Variants in ADK observed in about 807,000 individuals in gnomAD.
ADK encodes N6,N6-dimethyladenosine kinase.
Under a neutral mutation model 44.7 loss-of-function variants are expected in ADK, and 24 were observed. The observed-to-expected ratio is 0.54, with a 90% confidence interval of 0.39 to 0.76. The LOEUF (loss-of-function observed/expected upper bound fraction) is 0.76. Among genes scored for constraint, ADK ranks in the 30% least tolerant of loss-of-function variants. The pLI is 0.00. For synonymous variants in ADK, 128 were observed against 142.6 expected (o/e 0.90, Z 0.73); for missense variants, 321 against 425.1 (o/e 0.76, Z 2.15).
intron 7 of ADK, among the ~76,000 whole-genome samples, chr10:74,581,496 A>C (rs1255417967): frequency 1.3e-5 from 2 of 152,176 alleles, no homozygotes; most frequent in African/African-American, 4.8e-5. Context: ...GGAGACAGAA[A>C]AAATATTTGA....
intron 1 of ADK, among the ~76,000 whole-genome samples, chr10:74,157,216 C>G (rs1014839608): frequency 1.3e-5 from 2 of 152,072 alleles, no homozygotes; most frequent in Non-Finnish European, 2.9e-5. Context: ...GAGGGGTGGC[C>G]TATCACAGAA....
chr10:74,411,198 C>T (rs1844164389), intron 6 of ADK, among the ~76,000 whole-genome samples: 1 of 151,834 alleles, frequency 6.6e-6, no homozygotes, highest in Non-Finnish European at 1.5e-5. Context: ...TTAACTGTTT[C>T]ATTTATAAAC....
At chr10:74,705,397 G>A (rs763682079) in intron 10 of ADK, among the ~76,000 whole-genome samples, 1 of 151,926 alleles carries the variant, frequency 6.6e-6, no homozygotes, top group Non-Finnish European at 1.5e-5. Context: ...CAGTTTTATT[G>A]TGGCATAATA....
At chr10:74,283,638 T>A (rs1847035844) in intron 3 of ADK, among the ~76,000 whole-genome samples, 1 of 150,522 alleles carries the variant, frequency 6.6e-6, no homozygotes, top group South Asian at 2.1e-4. Context: ...CTTCATCTTT[T>A]TTTTTTTTTT....
chr10:74,302,137 T>TTTGTTTTTTTTTGTTTTTTTTG (rs1840077977), intron 3 of ADK, among the ~76,000 whole-genome samples: 1 of 103,822 alleles, frequency 9.6e-6, no homozygotes, highest in African/African-American at 3.7e-5. Flanking sequence ...TTTTTTTTTT[T>TTTGTTTTTTTTTGTTTTTTTTG]TTTTTTTTTG....
chr10:74,502,993 G>T (rs1847932969), intron 6 of ADK, among the ~76,000 whole-genome samples: 1 of 152,060 alleles, frequency 6.6e-6, no homozygotes. Flanking sequence ...ACACTAAATG[G>T]ATTTTCTATT....
chr10:74,236,701 C>G (rs552497278), intron 3 of ADK, among the ~76,000 whole-genome samples: 6 of 152,088 alleles, frequency 3.9e-5, no homozygotes, highest in African/African-American at 1.4e-4. Context: ...TAGACTATCA[C>G]AATAAAGTGA....
At chr10:74,382,954 TC>T (rs531412234) in intron 4 of ADK, among the ~76,000 whole-genome samples, 35 of 151,538 alleles carry the variant, frequency 2.3e-4, no homozygotes, top group Middle Eastern at 3.4e-3. Flanking sequence ...TATTGGATTT[TC>T]CCCCCCTCCT....
intron 8 of ADK, among the ~76,000 whole-genome samples, chr10:74,596,555 T>C (rs1248404979): frequency 6.6e-6 from 1 of 151,990 alleles, no homozygotes; most frequent in Non-Finnish European, 1.5e-5. Flanking sequence ...CTCTCTCTTT[T>C]TTTTTTTTGA....
chr10:74,182,956 C>G (rs1383455764), intron 1 of ADK, among the ~76,000 whole-genome samples: 1 of 152,066 alleles, frequency 6.6e-6, no homozygotes, highest in East Asian at 1.9e-4. Context: ...TGCCCTGTTG[C>G]CCTTGCTGGA....
chr10:74,412,525 C>T (rs1844220796), intron 6 of ADK, among the ~76,000 whole-genome samples: 1 of 152,174 alleles, frequency 6.6e-6, no homozygotes, highest in African/African-American at 2.4e-5. Flanking sequence ...TCAGATGAGT[C>T]ACTATGGCAG....
chr10:74,383,987 A>T (rs180720915), intron 4 of ADK, among the ~76,000 whole-genome samples: 50 of 152,290 alleles, frequency 3.3e-4, no homozygotes, highest in Non-Finnish European at 5.9e-4. Flanking sequence ...TCTCCATCAT[A>T]GTTAAGTGTC....
At chr10:74,314,851 G>T in intron 4 of ADK, 106 bp downstream of exon 4, 1 of 877,236 alleles carries the variant, frequency 1.1e-6, no homozygotes, top group Non-Finnish European at 1.8e-6. Flanking sequence ...GAATAGTTTT[G>T]TTCATTTGAA....
intron 5 of ADK, among the ~76,000 whole-genome samples, chr10:74,395,476 C>T (rs1251989289): frequency 6.6e-6 from 1 of 151,848 alleles, no homozygotes; most frequent in African/African-American, 2.4e-5. Context: ...TTTTTATATA[C>T]AGGAGAACTT....
At chr10:74,501,585 CA>C (rs949101960) in intron 6 of ADK, among the ~76,000 whole-genome samples, 8 of 151,844 alleles carry the variant, frequency 5.3e-5, no homozygotes, top group African/African-American at 1.7e-4. Flanking sequence ...AAATATTATG[CA>C]AAAAAATTGT....
chr10:74,294,575 C>T (rs1839744281), intron 3 of ADK, among the ~76,000 whole-genome samples: 1 of 152,148 alleles, frequency 6.6e-6, no homozygotes, highest in Non-Finnish European at 1.5e-5. Context: ...GTGTGAGCCA[C>T]CACCCCTGGC....
chr10:74,324,360 A>C (rs10824150), intron 4 of ADK, among the ~76,000 whole-genome samples: 98,778 of 151,962 alleles, frequency 0.65, 33,333 homozygotes, highest in Middle Eastern at 0.8. Flanking sequence ...TTATTCATGT[A>C]TGTGATTGTA....
rs536543659 is a variant in ADK at position 74,394,273 on chromosome 10, C to A, written c.406C>A (p.Pro136Thr). The A allele has an allele frequency of 6.2e-7, 1 of 1,613,962 alleles. No individual in the cohort carries two copies. The highest frequency in any genetic ancestry group is 2.2e-5 in the East Asian group (1 of 44,864). ...TCATTACTACGAGCAGAATGAGCAG[C>A]CAACAGGAACTTGTGCTGCATGCAT... The part of the protein sequence containing the change: ...DAHYYEQNEQ[P>T]TGTCAACITG... Residue 136 changes from proline (P) to threonine (T), a missense_variant, in exon 5 of 11, where the codon CCA (proline) becomes ACA (threonine). Pro to Thr is a conservative substitution (Grantham distance 38, BLOSUM62 -1). Transcript: ENST00000539909.
chr10:74,596,691 G>A (rs765406845), intron 8 of ADK, among the ~76,000 whole-genome samples: 2 of 151,924 alleles, frequency 1.3e-5, no homozygotes, highest in Non-Finnish European at 2.9e-5. Flanking sequence ...GACTATAGGC[G>A]CATGCCACCA....
Sources: allele counts gnomAD v4.1 joint callset (sites outside exome capture counted in the v4.1 genomes callset), GRCh38; gene constraint gnomAD v4.1.1; transcripts MANE v1.5; gene names NCBI Gene and HGNC (gene_info 2026-07-23, HGNC 2026-07-21).